Variants in ZNF394 observed in about 807,000 individuals in gnomAD.
ZNF394 encodes the protein zinc finger protein 99.
In ZNF394, 19 loss-of-function variants were observed where a neutral mutation model predicts 21.8. That is an observed-to-expected ratio of 0.87 (90% CI 0.61 to 1.28). The LOEUF (loss-of-function observed/expected upper bound fraction) is 1.28. Among genes scored for constraint, ZNF394 ranks in the 50% most tolerant of loss-of-function variants. The probability of loss-of-function intolerance (pLI) is 0.00; values close to 1 mark genes in which losing one functional copy is unlikely to be tolerated. For missense variants in ZNF394, 683 were observed against 708.6 expected (o/e 0.96, Z 0.41); for synonymous variants, 294 against 273.3 (o/e 1.08, Z -0.75).
Position 99,493,695 on chromosome 7 carries a change from T to C in ZNF394, c.1520A>G (p.Asn507Ser), listed in dbSNP as rs776107450. Residue 507 changes from asparagine (N) to serine (S), a missense_variant, in exon 3 of 3, where the codon AAT (asparagine) becomes AGT (serine). Around this residue, in one of 3 missense-constraint regions of ZNF394, gnomAD observed 274 missense variants for 314.1 expected, o/e 0.87. Coordinates refer to ENST00000337673, the MANE Select transcript of ZNF394 (RefSeq NM_032164.4). ...GTGTTTAATGAGGGTTGCACTCTGA[T>C]TGAAGCGTTTCCCACAGACGGAACA... ...YGCSVCGKRF[N>S]QSATLIKHQR... The C allele has an allele frequency of 5.0e-6, 8 of 1,614,096 alleles. No homozygotes were observed. The highest frequency in any genetic ancestry group is 1.7e-5 in the Admixed American group (1 of 59,996).
rs1194057401 is a variant in ZNF394, at chr7:99,494,080, T to C, written c.1135A>G (p.Ile379Val). The change falls in exon 3 of 3, where the codon ATC (isoleucine) becomes GTC (valine). Residue 379 changes from isoleucine (I) to valine (V), a missense_variant. Around this residue, in one of 3 missense-constraint regions of ZNF394, gnomAD observed 274 missense variants for 314.1 expected, o/e 0.87. Transcript: ENST00000337673. ...CCATAGGGTTTCTCACCTGTGTGGATTCTCTGGTGTCTAAAGAGGTCAGAG... is the reference window on the plus strand; with the variant it reads ...CCATAGGGTTTCTCACCTGTGTGGACTCTCTGGTGTCTAAAGAGGTCAGAG... ...QRSDLFRHQRIHTGEKPYGCQ... is the reference protein window; with the variant it reads ...QRSDLFRHQRVHTGEKPYGCQ... 3.7e-6 allele frequency: 6 copies of C among 1,614,178 alleles called. No individual in the cohort carries two copies. The highest frequency in any genetic ancestry group is 5.1e-6 in the Non-Finnish European group (6 of 1,180,042).
chr7:99,486,856 T>C (rs2151075001), exon 2 of ZNF394: 1 of 1,614,148 alleles, frequency 6.2e-7, no homozygotes, highest in Non-Finnish European at 8.5e-7. Context: ...TAAGGCATGG[T>C]TTGATCAACA....
At chr7:99,488,091 A>C (rs1800067998) in intron 1 of ZNF394, among the ~76,000 whole-genome samples, 1 of 149,674 alleles carries the variant, frequency 6.7e-6, no homozygotes, top group African/African-American at 2.5e-5. Context: ...AAAAAAAAAA[A>C]AACAGAGAAA....
intron 2 of ZNF394, among the ~76,000 whole-genome samples, chr7:99,494,947 A>T (rs1800260305): frequency 6.6e-6 from 1 of 151,992 alleles, no homozygotes; most frequent in South Asian, 2.1e-4. Flanking sequence ...GTTGGCCAGG[A>T]TGGTCTCTAT....
intron 1 of ZNF394, among the ~76,000 whole-genome samples, chr7:99,488,055 G>A (rs1481320669): frequency 7.5e-6 from 1 of 133,010 alleles, no homozygotes; most frequent in African/African-American, 3.0e-5. Flanking sequence ...CTGGGCGACA[G>A]AGCGAGACTC....
intron 1 of ZNF394, chr7:99,487,000 A>C (rs778487392): frequency 6.2e-7 from 1 of 1,614,160 alleles, no homozygotes; most frequent in Non-Finnish European, 8.5e-7. Flanking sequence ...TGACTGTGGA[A>C]AGTGTTTTCG....
At chr7:99,489,549 G>A (rs1165110506), downstream of ZNF394, among the ~76,000 whole-genome samples, 1 of 152,088 alleles carries the variant, frequency 6.6e-6, no homozygotes, top group East Asian at 1.9e-4. Context: ...CCCATGAATT[G>A]CACACAGGCA....
chr7:99,498,882 C>A, intron 1 of ZNF394, 40 bp from the exon 2 acceptor site: 2 of 1,585,372 alleles, frequency 1.3e-6, no homozygotes, highest in South Asian at 2.3e-5. Context: ...CCTGCTGTCC[C>A]TGTACAGCAC....
chr7:99,487,392 C>T, intron 1 of ZNF394: 1 of 1,614,206 alleles, frequency 6.2e-7, no homozygotes, highest in Non-Finnish European at 8.5e-7. Context: ...ACACTGGAAG[C>T]CAACCCTACC....
rs990491365 is a variant in ZNF394 at position 99,500,231 on chromosome 7, T to C, written c.-138A>G. ...CCACACCAGGCCCCTCTCCACACTCTCCTTTCCTCAGCTTTGCGCCTACAA... is the reference window on the plus strand; with the variant it reads ...CCACACCAGGCCCCTCTCCACACTCCCCTTTCCTCAGCTTTGCGCCTACAA... On this transcript the variant is annotated 5_prime_UTR_variant, in exon 1 of 3. Transcript: ENST00000337673. The C allele has an allele frequency of 4.9e-5, 37 of 750,532 alleles. No homozygotes were observed. The Middle Eastern group carries it at 2.4e-3, about 49-fold the overall frequency. The allele number at this position is 750,532 out of a possible 1,614,324, so 46.5% of individuals were successfully genotyped here.
chr7:99,487,223 C>T (rs762190859), intron 1 of ZNF394: 12 of 1,614,004 alleles, frequency 7.4e-6, no homozygotes, highest in Middle Eastern at 1.6e-4. Context: ...CACAGTAAAC[C>T]GAACACCCAT....
intron 1 of ZNF394, 135 bp from the exon 2 acceptor site, chr7:99,498,977 G>A: frequency 3.1e-6 from 4 of 1,280,762 alleles, no homozygotes; most frequent in East Asian, 2.6e-5. Flanking sequence ...ATCCTGAAAA[G>A]CCTTTCTGTG....
intron 2 of ZNF394, chr7:99,498,428 T>G (rs1464371243): frequency 3.4e-6 from 1 of 292,728 alleles, no homozygotes; most frequent in Admixed American, 4.8e-5. Context: ...ACTATTTCCT[T>G]GGCAATATGG....
In ZNF394 at chr7:99,499,618, A is replaced by C; in HGVS notation, c.456+20T>G. On this transcript the variant is annotated intron_variant, in intron 1 of 2. Coordinates refer to ENST00000337673, the MANE Select transcript of ZNF394 (RefSeq NM_032164.4). ...TATTTTCCACACTCCCACCTCCAGA[A>C]CAGGCCTTTCGCTTCTCACCTGGGA... The C allele has an allele frequency of 1.9e-6, 3 of 1,556,254 alleles. No individual in the cohort carries two copies. Among genetic ancestry groups the C allele is most frequent in the Non-Finnish European group, 2.6e-6 (3 of 1,157,970 alleles).
intron 1 of ZNF394, chr7:99,487,677 G>C (rs1800048130): frequency 9.8e-6 from 6 of 613,766 alleles, no homozygotes; most frequent in Non-Finnish European, 1.3e-5. Context: ...AACACAGTGA[G>C]ATCCCATCTC....
chr7:99,495,114 C>A (rs1319789051), intron 2 of ZNF394, among the ~76,000 whole-genome samples: 5 of 151,760 alleles, frequency 3.3e-5, no homozygotes, highest in Admixed American at 2.6e-4. Flanking sequence ...CAACCTCTGC[C>A]ACCTGGGTTC....
chr7:99,497,168 CTTTT>C (rs1327218917), intron 2 of ZNF394, among the ~76,000 whole-genome samples: 1 of 88,362 alleles, frequency 1.1e-5, no homozygotes, highest in Non-Finnish European at 2.1e-5. Context: ...AATGTTTTTT[CTTTT>C]TTTTTTGAGA....
In ZNF394 at chr7:99,493,827, T is replaced by C. The variant is rs748804580; in HGVS notation, c.1388A>G (p.His463Arg). Residue 463 changes from histidine to arginine, a missense_variant, in exon 3 of 3, where the codon CAT becomes CGT. By Grantham distance (29) the His-to-Arg change is conservative. Coordinates refer to ENST00000337673, the MANE Select transcript of ZNF394 (RefSeq NM_032164.4). ...ISNLFRHQRL[H>R]KGERPYKCEE... The stretch of plus-strand genomic sequence containing the variant: ...ACACTTATAGGGTCTTTCCCCTTTA[T>C]GTAGTCTCTGATGTCTAAAAAGGTT... The C allele has an allele frequency of 6.2e-7, 1 of 1,613,948 alleles. No individual in the cohort carries two copies. Among genetic ancestry groups the C allele is most frequent in the African/African-American group, 1.3e-5 (1 of 74,874 alleles).
At position 99,494,536 on chromosome 7, in the gene ZNF394, C is replaced by T; in HGVS notation, c.679G>A (p.Gly227Arg). Residue 227 changes from glycine (G) to arginine (R), a missense_variant, in exon 3 of 3, where the codon GGG becomes AGG. Gly to Arg is a moderately radical substitution (Grantham distance 125, BLOSUM62 -2). Coordinates refer to ENST00000337673, the MANE Select transcript of ZNF394 (RefSeq NM_032164.4). ...PQGQLQEAFQ[G>R]KRPLFSKCGS... ...CACTTAGAAAACAGGGGGCGCTTCC[C>T]CTGGAACGCTTCTTGTAGTTGCCCC... 6.2e-7 allele frequency: 1 copy of T among 1,613,558 alleles called. No individual in the cohort carries two copies. The highest frequency in any genetic ancestry group is 8.5e-7 in the Non-Finnish European group (1 of 1,180,022).
Sources: allele counts gnomAD v4.1 joint callset (sites outside exome capture counted in the v4.1 genomes callset), GRCh38; gene constraint gnomAD v4.1.1; regional missense constraint gnomAD v4.1.1; transcripts MANE v1.5; gene names NCBI Gene and HGNC (gene_info 2026-07-23, HGNC 2026-07-21).